RAP1GAP2: variants seen among roughly 807,000 people sequenced by gnomAD.
RAP1GAP2 encodes rap1 GTPase-activating protein 2.
RAP1GAP2 carries 27 observed loss-of-function variants against 95.0 expected under a neutral mutation model. That is an observed-to-expected ratio of 0.28 (90% CI 0.21 to 0.39). The LOEUF (loss-of-function observed/expected upper bound fraction) is 0.39, where lower values mean the gene tolerates loss of function less well. Ranked by LOEUF, RAP1GAP2 falls within the 10% of genes least tolerant of loss-of-function variation. RAP1GAP2 has a pLI of 1.00. For synonymous variants in RAP1GAP2, 373 were observed against 380.9 expected (o/e 0.98, Z 0.24); for missense variants, 771 against 970.0 (o/e 0.79, Z 2.72).
At chr17:2,938,406 C>T (rs2043370973) in intron 3 of RAP1GAP2, among the ~76,000 whole-genome samples, 1 of 152,026 alleles carries the variant, frequency 6.6e-6, no homozygotes, top group South Asian at 2.1e-4. Context: ...AAAGCTGGAA[C>T]AGAACCGAGG....
chr17:2,841,298 G>A (rs1406163561), intron 2 of RAP1GAP2, among the ~76,000 whole-genome samples: 3 of 133,018 alleles, frequency 2.3e-5, no homozygotes, highest in African/African-American at 9.0e-5. Flanking sequence ...CAAGAGATAT[G>A]GGGAATTTTT....
chr17:2,955,151 A>G (rs985285806), intron 3 of RAP1GAP2, among the ~76,000 whole-genome samples: 2 of 152,262 alleles, frequency 1.3e-5, no homozygotes, highest in East Asian at 1.9e-4. Context: ...CTGGGGGTCG[A>G]ATTGCTGAGT....
intron 2 of RAP1GAP2, among the ~76,000 whole-genome samples, chr17:2,820,106 A>G (rs1255845792): frequency 6.6e-6 from 1 of 152,100 alleles, no homozygotes; most frequent in Non-Finnish European, 1.5e-5. Flanking sequence ...GGTGCCATGC[A>G]TATTAATTTG....
rs373181391 is a variant in RAP1GAP2 at position 2,929,970 on chromosome 17, G to A, written c.165+24602G>A. On this transcript the variant is annotated intron_variant, in intron 3 of 24. Transcript: ENST00000254695. ...CACGATGAGCAGACTCGTCACTCCCGGAGCCACCTGCTCACCCTTCCCTCT... is the reference window on the plus strand; with the variant it reads ...CACGATGAGCAGACTCGTCACTCCCAGAGCCACCTGCTCACCCTTCCCTCT... Among the ~76,000 whole-genome samples the A allele has an allele frequency of 2.6e-5, 4 of 152,312 alleles. 1 individual carries two copies. The East Asian group carries it at 7.7e-4, about 29-fold the overall frequency.
At position 3,030,943 on chromosome 17, in the gene RAP1GAP2, C is replaced by T. The variant is rs754983165; in HGVS notation, c.2129C>T (p.Pro710Leu). ...TTAGATGCCAAAAGCAGAAACTCCCCGAGATCGAACCTGAAATTCCGCTTT... is the reference window on the plus strand; with the variant it reads ...TTAGATGCCAAAAGCAGAAACTCCCTGAGATCGAACCTGAAATTCCGCTTT... ...SPTDAKSRNS[P>L]RSNLKFRFDK... Residue 710 changes from proline to leucine, a missense_variant, in exon 23 of 25, where the codon CCG becomes CTG. Physicochemically the swap from Pro to Leu is moderately conservative, Grantham distance 98. Coordinates refer to ENST00000254695, the MANE Select transcript of RAP1GAP2 (RefSeq NM_015085.5). The T allele has an allele frequency of 6.2e-6, 10 of 1,611,032 alleles. No homozygotes were observed. Among genetic ancestry groups the T allele is most frequent in the South Asian group, 1.1e-5 (1 of 90,530 alleles).
At chr17:2,846,378 A>G (rs948572534) in intron 2 of RAP1GAP2, among the ~76,000 whole-genome samples, 6 of 151,946 alleles carry the variant, frequency 3.9e-5, no homozygotes, top group African/African-American at 1.5e-4. Context: ...GTTGATGGAC[A>G]CTTGGGCTGC....
chr17:2,894,446 C>A (rs921920200), intron 2 of RAP1GAP2, among the ~76,000 whole-genome samples: 3 of 151,968 alleles, frequency 2.0e-5, no homozygotes, highest in African/African-American at 7.2e-5. Flanking sequence ...AAACAAAAAA[C>A]CCCCTAAAAC....
intron 2 of RAP1GAP2, among the ~76,000 whole-genome samples, chr17:2,829,336 C>T (rs930597437): frequency 2.0e-5 from 3 of 152,092 alleles, no homozygotes; most frequent in African/African-American, 7.2e-5. Context: ...GACTTAGGAT[C>T]AGGAAGGTGC....
In RAP1GAP2 at chr17:2,879,939, C is replaced by A. The variant is rs1215315505; in HGVS notation, c.81-25345C>A. On this transcript the variant is annotated intron_variant, in intron 2 of 24. Transcript: ENST00000254695. ...TCTGTTCATGTCTCCCAAGAGACCG[C>A]AGGGTCCTTCAGGCTGGGTGGGTGC... Among the ~76,000 whole-genome samples the A allele has an allele frequency of 4.6e-5, 7 of 152,196 alleles. No homozygotes were observed. The Middle Eastern group carries it at 0.01, about 222-fold the overall frequency.
chr17:2,876,882 C>T (rs935787634), intron 2 of RAP1GAP2, among the ~76,000 whole-genome samples: 51 of 141,494 alleles, frequency 3.6e-4, no homozygotes, highest in African/African-American at 1.3e-3. Flanking sequence ...TTTTGGTTTA[C>T]GTTCTTTTTT....
At chr17:2,983,646 G>A (rs553692922) in intron 10 of RAP1GAP2, among the ~76,000 whole-genome samples, 2 of 152,236 alleles carry the variant, frequency 1.3e-5, no homozygotes, top group African/African-American at 4.8e-5. Context: ...ACAGTTAATT[G>A]TCCATAACAC....
intron 2 of RAP1GAP2, among the ~76,000 whole-genome samples, chr17:2,872,916 A>G (rs989723190): frequency 6.6e-6 from 1 of 151,874 alleles, no homozygotes; most frequent in African/African-American, 2.4e-5. Flanking sequence ...CTCCAACCTC[A>G]GCCTCCCAAA....
At chr17:2,912,391 CT>C (rs908215811) in intron 3 of RAP1GAP2, among the ~76,000 whole-genome samples, 1 of 152,162 alleles carries the variant, frequency 6.6e-6, no homozygotes, top group Non-Finnish European at 1.5e-5. Context: ...CTCCTGTCTT[CT>C]GTTAGGCTGT....
chr17:2,982,832 A>G (rs2045416228), intron 10 of RAP1GAP2, among the ~76,000 whole-genome samples: 1 of 151,832 alleles, frequency 6.6e-6, no homozygotes, highest in South Asian at 2.1e-4. Flanking sequence ...ATAATGGAAG[A>G]GCAGCTGTAT....
intron 2 of RAP1GAP2, among the ~76,000 whole-genome samples, chr17:2,876,904 T>C (rs1279570942): frequency 2.7e-5 from 4 of 149,576 alleles, no homozygotes; most frequent in East Asian, 1.9e-4. Context: ...TTTTTTTTTT[T>C]CTTGAGACGG....
chr17:2,905,172 C>G (rs370417346), intron 2 of RAP1GAP2, 112 bp from the exon 3 acceptor site: 6 of 991,922 alleles, frequency 6.0e-6, no homozygotes, highest in African/African-American at 1.6e-5. Flanking sequence ...CGTGAGCCAC[C>G]CAACCCAGCC....
chr17:2,922,830 TTG>T (rs1491550359), intron 3 of RAP1GAP2, among the ~76,000 whole-genome samples: 6,404 of 124,154 alleles, frequency 0.052, 238 homozygotes, highest in South Asian at 0.13. Flanking sequence ...CTTTTTGTTT[TTG>T]TTTTTTTTTT....
At chr17:2,908,261 G>A (rs554890178) in intron 3 of RAP1GAP2, among the ~76,000 whole-genome samples, 11 of 152,302 alleles carry the variant, frequency 7.2e-5, no homozygotes, top group South Asian at 2.1e-4. Flanking sequence ...TGGTGAAGCC[G>A]GAGTTAGTGT....
At position 2,827,009 on chromosome 17, in the gene RAP1GAP2, G is replaced by A. The variant is rs544634125; in HGVS notation, c.80+26459G>A. On this transcript the variant is annotated intron_variant, in intron 2 of 24. Transcript: ENST00000254695. The surrounding 1 kb of genome is among the most constrained non-coding windows in gnomAD (Gnocchi z 4.1). ...GTCACAGCGAGACTCCGTTTCGAGA[G>A]AGAGAGAGGAGAGAAAGAAAGAAAG... 2.7e-3 allele frequency among the ~76,000 whole-genome samples: 410 copies of A among 152,146 alleles called. 2 individuals carry two copies. The highest frequency in any genetic ancestry group is 0.017 in the Middle Eastern group (5 of 294).
Sources: allele counts gnomAD v4.1 joint callset (sites outside exome capture counted in the v4.1 genomes callset), GRCh38; gene constraint gnomAD v4.1.1; non-coding constraint Gnocchi (gnomAD v3.1); transcripts MANE v1.5; gene names NCBI Gene and HGNC (gene_info 2026-07-23, HGNC 2026-07-21).